FAM178B: variants seen among roughly 807,000 people sequenced by gnomAD.
FAM178B encodes the protein protein FAM178B.
A neutral mutation model predicts 91.7 loss-of-function variants in FAM178B; 82 were observed. The ratio of observed to expected loss-of-function variants is 0.89; its 90% CI spans 0.75 to 1.07. The LOEUF (loss-of-function observed/expected upper bound fraction) is 1.07. FAM178B is among the 50% of genes least tolerant of loss of function. The probability of loss-of-function intolerance (pLI) is 0.00; values close to 1 mark genes in which losing one functional copy is unlikely to be tolerated. For synonymous variants in FAM178B, 368 were observed against 359.4 expected (o/e 1.02, Z -0.27); for missense variants, 769 against 846.7 (o/e 0.91, Z 1.14).
rs568330848 is a variant in FAM178B, at chr2:96,903,314, C to T, written c.1563-607G>A. Reference sequence around the variant, plus strand: ...TCAGCCTCCCAAAGTGCTGGGATTACAGGCGTGAGCCACCGCGCCCGGCTG... The same window carrying T: ...TCAGCCTCCCAAAGTGCTGGGATTATAGGCGTGAGCCACCGCGCCCGGCTG... On this transcript the variant is annotated intron_variant, in intron 12 of 16. Coordinates refer to ENST00000490605, the MANE Select transcript of FAM178B (RefSeq NM_001122646.3). Among the ~76,000 whole-genome samples the T allele has an allele frequency of 6.6e-5, 10 of 152,384 alleles. 1 individual carries two copies. The South Asian group carries it at 2.1e-3, about 32-fold the overall frequency.
intron 8 of FAM178B, among the ~76,000 whole-genome samples, chr2:96,930,928 G>C (rs2081529339): frequency 6.6e-6 from 1 of 152,174 alleles, no homozygotes; most frequent in Non-Finnish European, 1.5e-5. Context: ...TTGGGGCAGA[G>C]AGCAGCTCTC....
intron 12 of FAM178B, among the ~76,000 whole-genome samples, chr2:96,913,723 T>C (rs2081196686): frequency 6.6e-6 from 1 of 152,208 alleles, no homozygotes; most frequent in African/African-American, 2.4e-5. Flanking sequence ...GAGAGGATCC[T>C]GGGGTGCTCC....
chr2:96,913,953 G>A (rs185283726), intron 12 of FAM178B, among the ~76,000 whole-genome samples: 4 of 152,346 alleles, frequency 2.6e-5, no homozygotes, highest in Admixed American at 6.5e-5. Context: ...ACACAGGAAG[G>A]AAGCCCACAC....
At chr2:96,961,240 G>A (rs1435476378) in intron 5 of FAM178B, among the ~76,000 whole-genome samples, 2 of 152,194 alleles carry the variant, frequency 1.3e-5, no homozygotes, top group Admixed American at 1.3e-4. Context: ...TCCCAAGAAT[G>A]AGCTAAATCT....
At chr2:96,904,945 G>C (rs775055304) in intron 12 of FAM178B, among the ~76,000 whole-genome samples, 24 of 151,518 alleles carry the variant, frequency 1.6e-4, no homozygotes, top group Non-Finnish European at 3.2e-4. Context: ...TATATTTTCA[G>C]TAGAGACAGG....
At chr2:96,923,303 TG>T (rs1294452601) in intron 10 of FAM178B, among the ~76,000 whole-genome samples, 186 bp downstream of exon 10, 1 of 152,182 alleles carries the variant, frequency 6.6e-6, no homozygotes, top group Non-Finnish European at 1.5e-5. Flanking sequence ...AACTCTCTCT[TG>T]GGGCCTAGAT....
Position 96,947,910 on chromosome 2 carries a change from G to GAA in FAM178B, c.994-10_994-9dup. On this transcript the variant is annotated splice_polypyrimidine_tract_variant and intron_variant, in intron 7 of 16. Coordinates refer to ENST00000490605, the MANE Select transcript of FAM178B (RefSeq NM_001122646.3). ...TGGAGGCCATGTCAGCAGCTAGGTG[G>GAA]AAAAAAAAAACAAAAACAAAAACCT... 53 of 1,234,986 alleles carry GAA rather than the reference G, an allele frequency of 4.3e-5. No individual in the cohort carries two copies. Among genetic ancestry groups the GAA allele is most frequent in the Middle Eastern group, 4.0e-4 (2 of 4,964 alleles). 76.5% of individuals were successfully genotyped at this position (1,234,986 alleles called of 1,614,324 possible). A position where few individuals can be genotyped will look rare whatever the true frequency, so the allele number is the denominator to read the frequency against.
At chr2:96,882,271 G>A (rs1397539257) in intron 14 of FAM178B, among the ~76,000 whole-genome samples, 1 of 152,240 alleles carries the variant, frequency 6.6e-6, no homozygotes, top group Non-Finnish European at 1.5e-5. Flanking sequence ...GCCAGGAGCA[G>A]GCAGACCCTG....
chr2:96,954,642 C>T (rs1281443298), intron 6 of FAM178B, among the ~76,000 whole-genome samples: 5 of 152,230 alleles, frequency 3.3e-5, no homozygotes, highest in African/African-American at 9.6e-5. Context: ...CGTATCAGCT[C>T]CTGGGCCTTT....
At chr2:96,981,345 C>T (rs1046814711) in intron 1 of FAM178B, among the ~76,000 whole-genome samples, 1 of 152,136 alleles carries the variant, frequency 6.6e-6, no homozygotes, top group African/African-American at 2.4e-5. Flanking sequence ...CACACATGCA[C>T]GTGAACACTC....
chr2:96,949,166 C>T (rs1009607262), intron 7 of FAM178B, among the ~76,000 whole-genome samples: 1 of 152,208 alleles, frequency 6.6e-6, no homozygotes, highest in Non-Finnish European at 1.5e-5. Context: ...CCATGCACAC[C>T]CTATTAAAGC....
intron 6 of FAM178B, among the ~76,000 whole-genome samples, chr2:96,955,437 G>A (rs540439705): frequency 1.1e-3 from 168 of 152,206 alleles, no homozygotes; most frequent in African/African-American, 3.9e-3. Context: ...CGTGAACCCA[G>A]GAGGCGGAGC....
At chr2:96,925,728 G>A (rs1336672732) in intron 9 of FAM178B, among the ~76,000 whole-genome samples, 1 of 152,138 alleles carries the variant, frequency 6.6e-6, no homozygotes, top group African/African-American at 2.4e-5. Flanking sequence ...CGGAGACACC[G>A]TTCAATACTC....
chr2:96,879,911 C>T (rs1012327579), intron 14 of FAM178B, among the ~76,000 whole-genome samples: 1 of 152,218 alleles, frequency 6.6e-6, no homozygotes, highest in Admixed American at 6.5e-5. Context: ...CTCCCCTTCC[C>T]TCCAACCTGG....
chr2:96,970,722 T>C lies in FAM178B; in HGVS notation c.620A>G (p.Glu207Gly). ...YFNNLDYLLQ[E>G]KREQALEQER... ...GGCCACGCCCTGTGCTCACCTCTTC[T>C]CCTGCAGTAAGTAGTCCAGGTTGTT... The change falls in exon 4 of 17, where the codon GAG becomes GGG. Residue 207 changes from glutamate (E) to glycine (G), a missense_variant. Coordinates refer to ENST00000490605, the MANE Select transcript of FAM178B (RefSeq NM_001122646.3). The C allele has an allele frequency of 6.4e-7, 1 of 1,550,934 alleles. No homozygotes were observed.
chr2:96,877,869 G>A (rs781271644), intron 16 of FAM178B, 21 bp downstream of exon 16: 40 of 1,609,476 alleles, frequency 2.5e-5, no homozygotes, highest in Non-Finnish European at 3.4e-5. Flanking sequence ...TCCCAGGTCT[G>A]GGGGCTAGAG....
intron 1 of FAM178B, among the ~76,000 whole-genome samples, chr2:96,981,079 C>T (rs1413540498): frequency 1.3e-5 from 2 of 152,146 alleles, no homozygotes; most frequent in Non-Finnish European, 2.9e-5. Flanking sequence ...GATTCTCCTG[C>T]CTCAGCCTCC....
At chr2:96,977,588 G>A (rs554445450) in intron 1 of FAM178B, among the ~76,000 whole-genome samples, 1 of 151,576 alleles carries the variant, frequency 6.6e-6, no homozygotes, top group African/African-American at 2.4e-5. Flanking sequence ...CCAAGCAAAC[G>A]TTTTAGTGTT....
intron 12 of FAM178B, among the ~76,000 whole-genome samples, chr2:96,907,188 C>A (rs1454218844): frequency 6.6e-6 from 1 of 152,174 alleles, no homozygotes; most frequent in African/African-American, 2.4e-5. Context: ...ATCCTGATGG[C>A]CCTCCCCGCC....
Sources: gnomAD v4.1 joint callset for allele counts (sites outside exome capture counted in the v4.1 genomes callset) on GRCh38, gnomAD v4.1.1 for gene constraint, MANE v1.5 for transcripts, NCBI Gene and HGNC (gene_info 2026-07-23, HGNC 2026-07-21) for gene names.